CCDC102B: variants seen among roughly 807,000 people sequenced by gnomAD.
The protein encoded by CCDC102B is coiled-coil domain-containing protein 102B.
In CCDC102B, 75 loss-of-function variants were observed where a neutral mutation model predicts 57.4. The ratio of observed to expected loss-of-function variants is 1.31; its 90% confidence interval spans 1.08 to 1.58. The LOEUF (loss-of-function observed/expected upper bound fraction) is 1.58, where lower values mean the gene tolerates loss of function less well. Among genes scored for constraint, CCDC102B ranks in the 40% most tolerant of loss-of-function variants. The pLI is 0.00. For synonymous variants in CCDC102B, 206 were observed against 201.9 expected (o/e 1.02, Z -0.17); for missense variants, 636 against 582.6 (o/e 1.09, Z -0.94).
chr18:68,955,298 G>A (rs553338327), intron 6 of CCDC102B, among the ~76,000 whole-genome samples: 17 of 152,124 alleles, frequency 1.1e-4, no homozygotes, highest in African/African-American at 2.9e-4. Context: ...CACACTTGCC[G>A]CCATCCATTA....
chr18:68,861,468 C>T (rs933316870), intron 4 of CCDC102B, among the ~76,000 whole-genome samples: 2 of 152,078 alleles, frequency 1.3e-5, no homozygotes, highest in African/African-American at 2.4e-5. Flanking sequence ...TACCTGGAAA[C>T]GTATCTTTCA....
At chr18:68,815,575 C>T (rs1381300643) in intron 1 of CCDC102B, among the ~76,000 whole-genome samples, 3 of 151,714 alleles carry the variant, frequency 2.0e-5, no homozygotes, top group Non-Finnish European at 4.4e-5. Flanking sequence ...AAGTGATTAA[C>T]CAGAGCATGG....
rs73460101 is a variant in CCDC102B at position 68,862,088 on chromosome 18, T to C, written c.937-12581T>C. ...ACATAAAGTACCACACATCATCTTG[T>C]ATTTCCTTATTAGATATTTTATTTT... is the stretch of plus-strand genomic sequence containing the variant. On this transcript the variant is annotated intron_variant, in intron 4 of 7. Coordinates refer to ENST00000360242, the MANE Select transcript of CCDC102B (RefSeq NM_024781.3). 6.1e-3 allele frequency among the ~76,000 whole-genome samples: 933 copies of C among 152,334 alleles called. 15 individuals are homozygous for C. Among genetic ancestry groups the C allele is most frequent in the African/African-American group, 0.02 (837 of 41,578 alleles).
Position 68,854,548 on chromosome 18 carries a change from T to A in CCDC102B, c.936+8127T>A, listed in dbSNP as rs988060003. Among the ~76,000 whole-genome samples the A allele has an allele frequency of 4.6e-5, 7 of 152,138 alleles. No homozygotes were observed. In the East Asian group the frequency reaches 5.8e-4, roughly 13 times the overall value. On this transcript the variant is annotated intron_variant, in intron 4 of 7. Transcript: ENST00000360242. Reference sequence around the variant, plus strand: ...TCAGCTCAGAAATATAAAAAAAAAATTCTGTATGTTCTAAAAACCAAAACT... The same window carrying A: ...TCAGCTCAGAAATATAAAAAAAAAAATCTGTATGTTCTAAAAACCAAAACT...
intron 1 of CCDC102B, among the ~76,000 whole-genome samples, chr18:68,803,685 A>G (rs1251844508): frequency 6.6e-6 from 1 of 151,948 alleles, no homozygotes; most frequent in Admixed American, 6.5e-5. Context: ...GCTTCAAGAT[A>G]TTAGGGTGGT....
chr18:68,765,349 G>GAA (rs1193000387), intron 2 of CCDC102B, among the ~76,000 whole-genome samples: 26 of 120,178 alleles, frequency 2.2e-4, no homozygotes, highest in African/African-American at 8.3e-4. Context: ...AAGAAAGAAA[G>GAA]AAAGAAAGAA....
At chr18:68,877,332 C>A (rs887278052) in intron 5 of CCDC102B, among the ~76,000 whole-genome samples, 3 of 152,196 alleles carry the variant, frequency 2.0e-5, no homozygotes, top group African/African-American at 7.2e-5. Context: ...AGAAAGTCTG[C>A]ATATTTTAGT....
At chr18:68,965,054 C>T (rs1490811611) in intron 6 of CCDC102B, among the ~76,000 whole-genome samples, 1 of 151,910 alleles carries the variant, frequency 6.6e-6, no homozygotes, top group African/African-American at 2.4e-5. Flanking sequence ...TATGATGTGT[C>T]TTGGCATGAA....
At chr18:68,854,685 T>G (rs1225368303) in intron 4 of CCDC102B, among the ~76,000 whole-genome samples, 1 of 152,152 alleles carries the variant, frequency 6.6e-6, no homozygotes, top group African/African-American at 2.4e-5. Context: ...TTTTTATTTT[T>G]TATGTATTTT....
chr18:68,898,791 A>T (rs2040331308), intron 6 of CCDC102B, among the ~76,000 whole-genome samples: 1 of 152,148 alleles, frequency 6.6e-6, no homozygotes, highest in African/African-American at 2.4e-5. Context: ...CATTATAGTG[A>T]TTGCTAAGAA....
At chr18:68,811,084 T>C (rs973734315) in intron 1 of CCDC102B, among the ~76,000 whole-genome samples, 1 of 152,306 alleles carries the variant, frequency 6.6e-6, no homozygotes, top group South Asian at 2.1e-4. Flanking sequence ...ACATTTTCTT[T>C]ATCCAGTCTA....
At chr18:69,005,702 C>T (rs1420466101) in intron 6 of CCDC102B, among the ~76,000 whole-genome samples, 1 of 151,442 alleles carries the variant, frequency 6.6e-6, no homozygotes, top group Non-Finnish European at 1.5e-5. Context: ...TAAACTAATG[C>T]CATAACCACA....
intron 7 of CCDC102B, among the ~76,000 whole-genome samples, chr18:69,041,096 T>C (rs1216293498): frequency 6.6e-6 from 1 of 152,114 alleles, no homozygotes; most frequent in Non-Finnish European, 1.5e-5. Context: ...CATTGGCTAT[T>C]TTATTATTGA....
At chr18:68,884,607 T>C (rs1478803601) in intron 5 of CCDC102B, among the ~76,000 whole-genome samples, 4 of 145,416 alleles carry the variant, frequency 2.8e-5, no homozygotes, top group African/African-American at 1.0e-4. Flanking sequence ...CACACACACA[T>C]ATACACACAC....
intron 2 of CCDC102B, among the ~76,000 whole-genome samples, chr18:68,837,664 T>C (rs905393708): frequency 1.1e-4 from 16 of 152,156 alleles, no homozygotes; most frequent in African/African-American, 2.7e-4. Context: ...TGTACACATG[T>C]CTGTGTCTTA....
chr18:69,029,526 G>A (rs574195179), intron 7 of CCDC102B, among the ~76,000 whole-genome samples: 76 of 152,226 alleles, frequency 5.0e-4, no homozygotes, highest in Non-Finnish European at 9.8e-4. Flanking sequence ...GTCAAGAGAT[G>A]TTTAGCTAAA....
intron 4 of CCDC102B, among the ~76,000 whole-genome samples, chr18:68,861,483 T>C (rs889186098): frequency 3.9e-5 from 6 of 152,198 alleles, no homozygotes; most frequent in Non-Finnish European, 4.4e-5. Flanking sequence ...CTTTCATGTC[T>C]TGAAGCTTTT....
At chr18:68,874,303 G>T (rs1197596471) in intron 4 of CCDC102B, among the ~76,000 whole-genome samples, 1 of 151,126 alleles carries the variant, frequency 6.6e-6, no homozygotes, top group African/African-American at 2.4e-5. Flanking sequence ...ACATAAAAAG[G>T]ATTACAGAGA....
At chr18:68,792,717 G>A (rs1271489369) in intron 2 of CCDC102B, among the ~76,000 whole-genome samples, 5 of 152,116 alleles carry the variant, frequency 3.3e-5, no homozygotes, top group Non-Finnish European at 5.9e-5. Flanking sequence ...CACAACCAAT[G>A]CTTGAACTCA....
Sources: allele counts gnomAD v4.1 joint callset (sites outside exome capture counted in the v4.1 genomes callset), GRCh38; gene constraint gnomAD v4.1.1; transcripts MANE v1.5; gene names NCBI Gene and HGNC (gene_info 2026-07-23, HGNC 2026-07-21).